UPF3A: variants seen among roughly 807,000 people sequenced by gnomAD.
The protein encoded by UPF3A is regulator of nonsense transcripts 3A.
Under a neutral mutation model 53.5 loss-of-function variants are expected in UPF3A, and 42 were observed. The observed-to-expected ratio is 0.78, with a 90% CI of 0.61 to 1.01. The LOEUF (loss-of-function observed/expected upper bound fraction) is 1.01, where lower values mean the gene tolerates loss of function less well. UPF3A is among the 50% of genes least tolerant of loss of function. UPF3A has a pLI of 0.00. For missense variants in UPF3A, 575 were observed against 598.0 expected (o/e 0.96, Z 0.40); for synonymous variants, 237 against 225.3 (o/e 1.05, Z -0.47).
chr13:114,298,201 G>A (rs1391551232), intron 7 of UPF3A, among the ~76,000 whole-genome samples: 2 of 151,816 alleles, frequency 1.3e-5, no homozygotes, highest in Non-Finnish European at 2.9e-5. Flanking sequence ...CTGAAACCCC[G>A]TCTCTACTAA....
chr13:114,283,635 A>G (rs1594750368), intron 3 of UPF3A: 2 of 425,480 alleles, frequency 4.7e-6, no homozygotes, highest in Non-Finnish European at 6.3e-6. Context: ...ATCCTTCATG[A>G]CTGTACCATT....
At chr13:114,295,553 C>T (rs1421785913) in intron 7 of UPF3A, among the ~76,000 whole-genome samples, 2 of 152,342 alleles carry the variant, frequency 1.3e-5, no homozygotes, top group South Asian at 2.1e-4. Flanking sequence ...TCTTAGTTCC[C>T]GTCTTGGCTC....
At chr13:114,296,146 G>GA (rs2085975346) in intron 7 of UPF3A, among the ~76,000 whole-genome samples, 1 of 152,172 alleles carries the variant, frequency 6.6e-6, no homozygotes, top group South Asian at 2.1e-4. Flanking sequence ...GCTCTTTGGG[G>GA]GGCCAAGGCA....
At chr13:114,296,111 A>T (rs2085968360) in intron 7 of UPF3A, among the ~76,000 whole-genome samples, 1 of 152,234 alleles carries the variant, frequency 6.6e-6, no homozygotes, top group African/African-American at 2.4e-5. Flanking sequence ...GGGGCCAGGC[A>T]CAGTGGCTCA....
chr13:114,299,010 C>G lies in UPF3A; in HGVS notation c.1007+10C>G. The G allele has an allele frequency of 6.3e-7, 1 of 1,587,194 alleles. No homozygotes were observed. Among genetic ancestry groups the G allele is most frequent in the Non-Finnish European group, 8.5e-7 (1 of 1,170,430 alleles). On this transcript the variant is annotated intron_variant, in intron 8 of 9. Transcript: ENST00000375299. ...AGGAGCCCCAGGAGACGTGAGCGTG[C>G]TTTCATTGTTATGACCACGTCAGCT... is the stretch of plus-strand genomic sequence containing the variant.
intron 5 of UPF3A, among the ~76,000 whole-genome samples, chr13:114,288,084 C>T (rs138612339): frequency 2.2e-4 from 34 of 152,306 alleles, no homozygotes; most frequent in African/African-American, 4.8e-4. Context: ...GGATTACAGG[C>T]GTGAGCCACC....
intron 8 of UPF3A, among the ~76,000 whole-genome samples, chr13:114,300,375 T>C (rs1449016337): frequency 6.6e-6 from 1 of 152,094 alleles, no homozygotes; most frequent in Non-Finnish European, 1.5e-5. Context: ...TTTATTTTAT[T>C]TTAATTTTAT....
At chr13:114,287,447 A>T (rs185502707) in intron 5 of UPF3A, 1 of 151,376 alleles carries the variant, frequency 6.6e-6, no homozygotes, top group Middle Eastern at 3.2e-3. Context: ...AAAAATTAGC[A>T]GGGCATGGTG....
chr13:114,281,644 G>A lies in UPF3A; in HGVS notation c.5G>A (p.Arg2His), dbSNP rs1382208617. Residue 2 changes from arginine (R) to histidine (H), a missense_variant, in exon 1 of 10, where the codon CGC becomes CAC. Arg to His is a conservative substitution (Grantham distance 29). Coordinates refer to ENST00000375299, the MANE Select transcript of UPF3A (RefSeq NM_023011.4). The stretch of plus-strand genomic sequence containing the variant: ...CGGCTCGGCGGAGAGTGCGGCATGC[G>A]CTCGGAAAAGGAGGGGGCCGGAGGC... MRSEKEGAGGLR... is the reference protein window; with the variant it reads MHSEKEGAGGLR... The A allele has an allele frequency of 2.7e-6, 4 of 1,475,370 alleles. No individual in the cohort carries two copies. The highest frequency in any genetic ancestry group is 3.6e-6 in the Non-Finnish European group (4 of 1,114,050). The allele number at this position is 1,475,370 out of a possible 1,614,324, so 91.4% of individuals were successfully genotyped here.
At chr13:114,296,859 A>G (rs2086087555) in intron 7 of UPF3A, among the ~76,000 whole-genome samples, 1 of 152,210 alleles carries the variant, frequency 6.6e-6, no homozygotes, top group African/African-American at 2.4e-5. Context: ...GTTCCTAGGC[A>G]CACAGAATAT....
intron 7 of UPF3A, among the ~76,000 whole-genome samples, chr13:114,292,091 T>A (rs894827440): frequency 8.0e-6 from 1 of 125,314 alleles, no homozygotes; most frequent in African/African-American, 3.6e-5. Context: ...GCTGACGCTC[T>A]TTTTTTTTTT....
Position 114,301,960 on chromosome 13 carries a change from A to G in UPF3A, c.1237A>G (p.Arg413Gly). ...CGGGGCTCCGGGGGAGGCCATGGAGAGACTGGGAAGAGCGCAGAGGTGTGA... is the reference window on the plus strand; with the variant it reads ...CGGGGCTCCGGGGGAGGCCATGGAGGGACTGGGAAGAGCGCAGAGGTGTGA... The part of the protein sequence containing the change: ...DSGAPGEAME[R>G]LGRAQRCDDS... The change falls in exon 9 of 10, where the codon AGA (arginine) becomes GGA (glycine). Residue 413 changes from arginine (R) to glycine (G), a missense_variant. By Grantham distance (125) the Arg-to-Gly change is moderately radical. Transcript: ENST00000375299. The G allele has an allele frequency of 6.2e-7, 1 of 1,608,406 alleles. No individual in the cohort carries two copies.
intron 7 of UPF3A, among the ~76,000 whole-genome samples, chr13:114,296,552 C>T (rs539024075): frequency 1.3e-5 from 2 of 152,160 alleles, no homozygotes; most frequent in African/African-American, 2.4e-5. Context: ...AGCCAATAAT[C>T]GAGAAAACAG....
At chr13:114,295,879 T>G (rs2085936212) in intron 7 of UPF3A, among the ~76,000 whole-genome samples, 1 of 152,092 alleles carries the variant, frequency 6.6e-6, no homozygotes, top group Non-Finnish European at 1.5e-5. Flanking sequence ...TATGAGTGTC[T>G]TATATGCCAA....
intron 7 of UPF3A, among the ~76,000 whole-genome samples, chr13:114,294,284 T>G (rs1456472846): frequency 1.4e-3 from 175 of 123,476 alleles, no homozygotes; most frequent in Non-Finnish European, 2.0e-3. Context: ...GGGGGGGGGG[T>G]TTGAGACAGG....
intron 7 of UPF3A, among the ~76,000 whole-genome samples, chr13:114,296,254 AT>A (rs2085999935): frequency 7.9e-5 from 12 of 152,176 alleles, no homozygotes; most frequent in Admixed American, 7.2e-4. Context: ...ATGGTGGCGC[AT>A]GCCTGTAGTC....
At position 114,286,555 on chromosome 13, in the gene UPF3A, T is replaced by G. The variant is rs933735181; in HGVS notation, c.557T>G (p.Val186Gly). 6.2e-7 allele frequency: 1 copy of G among 1,613,852 alleles called. No individual in the cohort carries two copies. The highest frequency in any genetic ancestry group is 8.5e-7 in the Non-Finnish European group (1 of 1,179,950). ...EYKKFLETYC[V>G]EEEKTSANPE... Reference sequence around the variant, plus strand: ...AAGAAGTTTTTAGAAACCTACTGTGTGGAGGAAGAGAAGACCAGTGCCAAC... The same window carrying G: ...AAGAAGTTTTTAGAAACCTACTGTGGGGAGGAAGAGAAGACCAGTGCCAAC... The change falls in exon 5 of 10, where the codon GTG becomes GGG. Residue 186 changes from valine (V) to glycine (G), a missense_variant. Val to Gly is a moderately radical substitution (Grantham distance 109). Transcript: ENST00000375299.
At chr13:114,289,971 T>TG (rs2085116077) in intron 5 of UPF3A, among the ~76,000 whole-genome samples, 1 of 152,210 alleles carries the variant, frequency 6.6e-6, no homozygotes, top group South Asian at 2.1e-4. Flanking sequence ...GGCTCCTGGC[T>TG]GACAAGTTCA....
chr13:114,290,569 T>C (rs953699817), intron 5 of UPF3A, among the ~76,000 whole-genome samples: 1 of 152,160 alleles, frequency 6.6e-6, no homozygotes, highest in Non-Finnish European at 1.5e-5. Context: ...CTGTGGGGCC[T>C]CTAGCTTGCC....
Sources: gnomAD v4.1 joint callset for allele counts (sites outside exome capture counted in the v4.1 genomes callset) on GRCh38, gnomAD v4.1.1 for gene constraint, MANE v1.5 for transcripts, NCBI Gene and HGNC (gene_info 2026-07-23, HGNC 2026-07-21) for gene names.